USP33: variants seen among roughly 807,000 people sequenced by gnomAD.
The protein encoded by USP33 is ubiquitin carboxyl-terminal hydrolase 33.
Under a neutral mutation model 124.2 loss-of-function variants are expected in USP33, and 46 were observed. The observed-to-expected ratio is 0.37, with a 90% CI of 0.29 to 0.47. The LOEUF is 0.47. USP33 is among the 20% of genes least tolerant of loss of function. The pLI, the probability that USP33 is intolerant of heterozygous loss-of-function variation, is 0.99. For synonymous variants in USP33, 350 were observed against 352.3 expected, an observed-to-expected ratio of 0.99 and a Z score of 0.07; for missense variants, 851 against 1,070.6, an observed-to-expected ratio of 0.79 and a Z score of 2.86.
At chr1:77,718,861 G>C in intron 15 of USP33, 1 of 436,142 alleles carries the variant, frequency 2.3e-6, no homozygotes, top group African/African-American at 2.1e-5. Context: ...CCCGGGACAC[G>C]GAGTTTGCAG....
At chr1:77,746,279 T>C (rs896944767) in intron 1 of USP33, 5 of 152,102 alleles carry the variant, frequency 3.3e-5, no homozygotes, top group African/African-American at 1.2e-4. Flanking sequence ...CCAGAAAATC[T>C]AGACGAAATG....
At chr1:77,742,581 A>G (rs1205723880) in intron 1 of USP33, among the ~76,000 whole-genome samples, 1 of 151,578 alleles carries the variant, frequency 6.6e-6, no homozygotes, top group Non-Finnish European at 1.5e-5. Flanking sequence ...TTACTGATCC[A>G]CAGTGTTTGG....
intron 21 of USP33, among the ~76,000 whole-genome samples, chr1:77,706,616 G>C (rs1474735448): frequency 1.3e-5 from 2 of 152,176 alleles, no homozygotes; most frequent in Non-Finnish European, 2.9e-5. Context: ...AAGAAATGAA[G>C]AAACAGGCTT....
intron 16 of USP33, 32 bp from the exon 17 acceptor site, chr1:77,718,079 T>C: frequency 6.5e-7 from 1 of 1,539,520 alleles, no homozygotes; most frequent in African/African-American, 1.4e-5. Context: ...AACTAATTTG[T>C]CAATACAGAA....
At chr1:77,753,806 A>G (rs1680560602) in intron 1 of USP33, among the ~76,000 whole-genome samples, 1 of 149,924 alleles carries the variant, frequency 6.7e-6, no homozygotes, top group Non-Finnish European at 1.5e-5. Flanking sequence ...ATTTTAAACT[A>G]ATTATATAAT....
At chr1:77,699,920 T>C (rs1487338475) in intron 22 of USP33, among the ~76,000 whole-genome samples, 1 of 152,168 alleles carries the variant, frequency 6.6e-6, no homozygotes, top group African/African-American at 2.4e-5. Context: ...GAAGCCATTA[T>C]CCTCAGCAAA....
intron 21 of USP33, among the ~76,000 whole-genome samples, chr1:77,708,819 A>G (rs1428347425): frequency 1.3e-5 from 2 of 151,954 alleles, no homozygotes; most frequent in Non-Finnish European, 2.9e-5. Flanking sequence ...CTAATTGTAT[A>G]CTATTCTGGC....
At position 77,696,200 on chromosome 1, in the gene USP33, T is replaced by C. The variant is rs1673431818; in HGVS notation, c.*1117A>G. 6.6e-6 allele frequency: 1 copy of C among 152,384 alleles called. No individual in the cohort carries two copies. Among genetic ancestry groups the C allele is most frequent in the African/African-American group, 2.4e-5 (1 of 41,448 alleles). The allele number at this position is 152,384 out of a possible 1,614,324, so 9.4% of individuals were successfully genotyped here. A position where few individuals can be genotyped will look rare whatever the true frequency, so the allele number is the denominator to read the frequency against. ...TACTATATTATTCAAAAAGACTTTA[T>C]CTATTTCATTTAAAAAATCAAGTTG... On this transcript the variant is annotated 3_prime_UTR_variant, in exon 24 of 24. Coordinates refer to ENST00000370794, the MANE Select transcript of USP33 (RefSeq NM_201624.3).
At position 77,728,516 on chromosome 1, in the gene USP33, G is replaced by C. The variant is rs368375050; in HGVS notation, c.914C>G (p.Ser305Cys). 2 of 1,614,012 alleles carry C rather than the reference G, an allele frequency of 1.2e-6. No individual in the cohort carries two copies. Among genetic ancestry groups the C allele is most frequent in the African/African-American group, 1.3e-5 (1 of 74,998 alleles). ...NSDRAENENGSRCFSEDNNET... is the reference protein window; with the variant it reads ...NSDRAENENGCRCFSEDNNET... ...ATTATTATCTTCAGAAAAGCATCTA[G>C]AGCCATTTTCATTTTCTGCTCTATC... Residue 305 changes from serine to cysteine, a missense_variant, in exon 10 of 24, where the codon TCT (serine) becomes TGT (cysteine). This residue lies in a region of USP33 where 207 missense variants were observed against 200.9 expected (regional missense o/e 1.03). Coordinates refer to ENST00000370794, the MANE Select transcript of USP33 (RefSeq NM_201624.3).
At chr1:77,756,240 G>A (rs1680789878) in intron 1 of USP33, among the ~76,000 whole-genome samples, 1 of 151,874 alleles carries the variant, frequency 6.6e-6, no homozygotes, top group Admixed American at 6.5e-5. Context: ...ACAGCACCTG[G>A]CTCCCCTCCT....
chr1:77,705,192 T>A (rs1372451391), intron 21 of USP33, among the ~76,000 whole-genome samples: 1 of 151,836 alleles, frequency 6.6e-6, no homozygotes, highest in East Asian at 1.9e-4. Context: ...TTTGCACTTT[T>A]TATTTTTTAT....
intron 1 of USP33, among the ~76,000 whole-genome samples, chr1:77,747,171 T>G (rs1679824897): frequency 6.6e-6 from 1 of 151,542 alleles, no homozygotes; most frequent in Non-Finnish European, 1.5e-5. Context: ...CACTGAATGG[T>G]CTTGGCATCA....
intron 15 of USP33, 21 bp downstream of exon 15, chr1:77,721,151 A>AG (rs1279345071): frequency 1.2e-6 from 2 of 1,613,392 alleles, no homozygotes; most frequent in Admixed American, 3.3e-5. Flanking sequence ...TGCAATTAAA[A>AG]GCACTGTCAA....
intron 15 of USP33, chr1:77,720,232 G>T: frequency 1.8e-6 from 1 of 557,300 alleles, no homozygotes; most frequent in Non-Finnish European, 2.3e-6. Context: ...ATAAAGGATG[G>T]TTATTATTAT....
At chr1:77,719,991 A>T (rs1311475707) in intron 15 of USP33, among the ~76,000 whole-genome samples, 1 of 151,530 alleles carries the variant, frequency 6.6e-6, no homozygotes, top group Non-Finnish European at 1.5e-5. Flanking sequence ...ACAAAACCCC[A>T]TTTCTACAAA....
rs1185358841 is a variant in USP33, at chr1:77,758,175, C to CTTT, written c.-52+1465_-52+1467dup. Among the ~76,000 whole-genome samples, 588 of 94,264 alleles carry CTTT rather than the reference C, an allele frequency of 6.2e-3. 9 individuals carry two copies. The highest frequency in any genetic ancestry group is 8.9e-3 in the African/African-American group (201 of 22,490). The allele number at this position is 94,264 out of a possible 152,430, so 61.8% of individuals were successfully genotyped here. On this transcript the variant is annotated intron_variant, in intron 1 of 23. Transcript: ENST00000370794. ...TTCCAATAATATTTTTTGTACTGTC[C>CTTT]TTTTTTTTTTTTTTTTTTTTTTTGA...
At chr1:77,732,500 A>G (rs574458628) in intron 7 of USP33, among the ~76,000 whole-genome samples, 8 of 152,336 alleles carry the variant, frequency 5.3e-5, no homozygotes, top group African/African-American at 1.9e-4. Flanking sequence ...TTTTAAAAAT[A>G]TAAGAGAGAT....
At chr1:77,716,505 A>C (rs1207584636) in intron 17 of USP33, among the ~76,000 whole-genome samples, 3 of 152,202 alleles carry the variant, frequency 2.0e-5, no homozygotes, top group Non-Finnish European at 4.4e-5. Flanking sequence ...AGCAGCCTCG[A>C]CGAGCCAGTG....
chr1:77,706,545 T>G (rs1331738281), intron 21 of USP33, among the ~76,000 whole-genome samples: 1 of 152,336 alleles, frequency 6.6e-6, no homozygotes, highest in African/African-American at 2.4e-5. Context: ...ACTTAGTGAA[T>G]GACTCATTCG....
Sources: allele counts gnomAD v4.1 joint callset (sites outside exome capture counted in the v4.1 genomes callset), GRCh38; gene constraint gnomAD v4.1.1; regional missense constraint gnomAD v4.1.1; transcripts MANE v1.5; gene names NCBI Gene and HGNC (gene_info 2026-07-23, HGNC 2026-07-21).